ZFYVE16: variants seen among roughly 807,000 people sequenced by gnomAD.
ZFYVE16 encodes the protein zinc finger FYVE domain-containing protein 16.
Under a neutral mutation model 138.1 loss-of-function variants are expected in ZFYVE16, and 89 were observed. The ratio of observed to expected loss-of-function variants is 0.64; its 90% CI spans 0.54 to 0.77. ZFYVE16 has a LOEUF of 0.77. ZFYVE16 is among the 30% of genes least tolerant of loss of function. ZFYVE16 has a pLI of 0.00. For synonymous variants in ZFYVE16, 596 were observed against 618.3 expected (o/e 0.96, Z 0.53); for missense variants, 1,793 against 1,786.7 (o/e 1.00, Z -0.06).
chr5:80,475,759 T>C (rs1337200099), intron 18 of ZFYVE16, among the ~76,000 whole-genome samples: 2 of 152,348 alleles, frequency 1.3e-5, no homozygotes, highest in Admixed American at 6.5e-5. Flanking sequence ...ATATTTGATA[T>C]ATGTTGATAG....
chr5:80,411,037 G>A (rs1449230082), intron 1 of ZFYVE16, among the ~76,000 whole-genome samples: 4 of 151,342 alleles, frequency 2.6e-5, no homozygotes, highest in Non-Finnish European at 5.9e-5. Flanking sequence ...CACCATCTCG[G>A]CTCACTGCAA....
At chr5:80,407,715 T>G (rs115545606), upstream of ZFYVE16, among the ~76,000 whole-genome samples, 9,050 of 152,296 alleles carry the variant, frequency 0.059, 481 homozygotes, top group African/African-American at 0.14. Flanking sequence ...AGCAAAGGGC[T>G]AAGGCTGGAG....
chr5:80,468,518 C>A (rs900947870), intron 15 of ZFYVE16, among the ~76,000 whole-genome samples: 1 of 152,160 alleles, frequency 6.6e-6, no homozygotes, highest in African/African-American at 2.4e-5. Context: ...TATCTAAACA[C>A]AGAAAACGCA....
intron 2 of ZFYVE16, among the ~76,000 whole-genome samples, chr5:80,430,540 A>G (rs1255979683): frequency 2.0e-5 from 3 of 151,818 alleles, no homozygotes. Flanking sequence ...TAGAGAAGCA[A>G]GAGCAAACCC....
chr5:80,408,630 C>T (rs371619216), intron 1 of ZFYVE16, among the ~76,000 whole-genome samples: 1 of 152,364 alleles, frequency 6.6e-6, no homozygotes, highest in Admixed American at 6.5e-5. Context: ...TTCCCGCACC[C>T]ATGCATTTTC....
intron 10 of ZFYVE16, among the ~76,000 whole-genome samples, 170 bp from the exon 11 acceptor site, chr5:80,451,315 A>G (rs1289427676): frequency 6.6e-6 from 1 of 152,206 alleles, no homozygotes; most frequent in Non-Finnish European, 1.5e-5. Flanking sequence ...ATGCTTTTGC[A>G]AGAACAGAAA....
chr5:80,456,821 C>G (rs1444627286), intron 13 of ZFYVE16, 124 bp from the exon 14 acceptor site: 34 of 1,166,278 alleles, frequency 2.9e-5, no homozygotes, highest in Non-Finnish European at 3.4e-5. Context: ...CCATCACATT[C>G]CCAGGGAGCT....
chr5:80,408,967 A>G (rs369880258), intron 1 of ZFYVE16, among the ~76,000 whole-genome samples: 1 of 77,730 alleles, frequency 1.3e-5, no homozygotes, highest in South Asian at 4.7e-4. Flanking sequence ...AACTATATAT[A>G]ATTTTTCGCC....
rs767711188 is a variant in ZFYVE16, at chr5:80,449,714, G to T, written c.3226+1G>T. ...CTCGTGAATGTCAAATTCATATTTT[G>T]TAAGTAATAATTTATCCTTATTTGC... On this transcript the variant is annotated splice_donor_variant, in intron 9 of 18. Transcript: ENST00000505560. LOFTEE classifies it high-confidence loss of function. The T allele has an allele frequency of 6.3e-6, 10 of 1,586,778 alleles. No homozygotes were observed. Among genetic ancestry groups the T allele is most frequent in the Non-Finnish European group, 8.6e-6 (10 of 1,169,456 alleles).
chr5:80,428,156 T>C (rs1254159499), intron 2 of ZFYVE16, among the ~76,000 whole-genome samples: 1 of 151,992 alleles, frequency 6.6e-6, no homozygotes, highest in African/African-American at 2.4e-5. Flanking sequence ...ACAGACTGTC[T>C]CCTCAAGTGG....
rs1580207429 is a variant in ZFYVE16, at chr5:80,436,788, G to A, written c.103G>A (p.Ala35Thr). 1 of 1,613,770 alleles carries A rather than the reference G, an allele frequency of 6.2e-7. No homozygotes were observed. Among genetic ancestry groups the A allele is most frequent in the South Asian group, 1.1e-5 (1 of 91,032 alleles). ...EQDYLQDVQNAYDSNHCSVSS... is the reference protein window; with the variant it reads ...EQDYLQDVQNTYDSNHCSVSS... ...AGATTATCTCCAAGATGTACAAAAT[G>A]CATATGATTCTAACCACTGCTCAGT... The change falls in exon 4 of 19, where the codon GCA becomes ACA. Residue 35 changes from alanine (A) to threonine (T), a missense_variant. Around this residue, in one of 2 missense-constraint regions of ZFYVE16, gnomAD observed 1,295 missense variants for 1,204.3 expected, o/e 1.08. Coordinates refer to ENST00000505560, the MANE Select transcript of ZFYVE16 (RefSeq NM_001284236.3).
rs1440773963 is a variant in ZFYVE16 at position 80,482,129 on chromosome 5, A to G, written c.*4752A>G. Among the ~76,000 whole-genome samples, 1 of 152,236 alleles carries G rather than the reference A, an allele frequency of 6.6e-6. No homozygotes were observed. Among genetic ancestry groups the G allele is most frequent in the Non-Finnish European group, 1.5e-5 (1 of 68,042 alleles). ...AGCCAGCACACCTGGCCGTTAAACTAGTTATTTTAATCATGCTACACAAAG... is the reference window on the plus strand; with the variant it reads ...AGCCAGCACACCTGGCCGTTAAACTGGTTATTTTAATCATGCTACACAAAG... On this transcript the variant is annotated 3_prime_UTR_variant, in exon 19 of 19. Coordinates refer to ENST00000505560, the MANE Select transcript of ZFYVE16 (RefSeq NM_001284236.3).
At chr5:80,433,661 T>A (rs1749447201) in intron 2 of ZFYVE16, among the ~76,000 whole-genome samples, 1 of 152,066 alleles carries the variant, frequency 6.6e-6, no homozygotes, top group South Asian at 2.1e-4. Flanking sequence ...TGAAAAATAG[T>A]TTCATTTGTT....
chr5:80,408,232 A>T (rs1321828055), intron 1 of ZFYVE16, 79 bp downstream of exon 1: 4 of 152,272 alleles, frequency 2.6e-5, no homozygotes, highest in African/African-American at 9.7e-5. Context: ...TGACCGCTGG[A>T]CCCGCCGACC....
At chr5:80,447,089 C>T (rs1401370349) in intron 7 of ZFYVE16, among the ~76,000 whole-genome samples, 10 of 151,718 alleles carry the variant, frequency 6.6e-5, no homozygotes, top group East Asian at 3.9e-4. Flanking sequence ...GGCAAAACCC[C>T]GTCTCTACTA....
intron 5 of ZFYVE16, chr5:80,440,657 GGTGTGTGTGTGTGTGTGT>G (rs141202687): frequency 8.9e-5 from 71 of 800,748 alleles, no homozygotes; most frequent in East Asian, 3.1e-4. Flanking sequence ...AGTTCTCACA[GGTGTGTGTGTGTGTGTGT>G]GTGTGTGTGT....
chr5:80,445,485 C>CTTTT, intron 7 of ZFYVE16, 80 bp downstream of exon 7: 1 of 992,018 alleles, frequency 1.0e-6, no homozygotes, highest in Non-Finnish European at 1.4e-6. Context: ...TATTAGAGTG[C>CTTTT]TTTTTTTTTT....
At position 80,481,382 on chromosome 5, in the gene ZFYVE16, TCA is replaced by T. The variant is rs1755264507; in HGVS notation, c.*4008_*4009del. On this transcript the variant is annotated 3_prime_UTR_variant, in exon 19 of 19. Coordinates refer to ENST00000505560, the MANE Select transcript of ZFYVE16 (RefSeq NM_001284236.3). ...CTGTCAATAAAATCCTGGGATCATC[TCA>T]CAAGCTGTGTATGTGTGAAACTAAC... Among the ~76,000 whole-genome samples the T allele has an allele frequency of 6.6e-6, 1 of 152,174 alleles. No individual in the cohort carries two copies. The highest frequency in any genetic ancestry group is 1.5e-5 in the Non-Finnish European group (1 of 68,042).
chr5:80,443,104 A>G lies in ZFYVE16; in HGVS notation c.2420-19A>G. On this transcript the variant is annotated intron_variant, in intron 5 of 18. Transcript: ENST00000505560. ...CAAAAACATCTGAGATTTTAACACT[A>G]TTGTTTTCCCCTTTATAGCTCAGGC... is the stretch of plus-strand genomic sequence containing the variant. 1 of 1,514,324 alleles carries G rather than the reference A, an allele frequency of 6.6e-7. No individual in the cohort carries two copies. The highest frequency in any genetic ancestry group is 8.8e-7 in the Non-Finnish European group (1 of 1,140,890). 93.8% of individuals were successfully genotyped at this position (1,514,324 alleles called of 1,614,324 possible).
Sources: allele counts gnomAD v4.1 joint callset (sites outside exome capture counted in the v4.1 genomes callset), GRCh38; gene constraint gnomAD v4.1.1; regional missense constraint gnomAD v4.1.1; transcripts MANE v1.5; gene names NCBI Gene and HGNC (gene_info 2026-07-23, HGNC 2026-07-21).